The following USP25 variants were observed in gnomAD, a reference collection of about 807,000 sequenced individuals.
USP25 encodes ubiquitin carboxyl-terminal hydrolase 25.
Under a neutral mutation model 158.5 loss-of-function variants are expected in USP25, and 85 were observed. The observed-to-expected ratio is 0.54, with a 90% CI of 0.45 to 0.64. USP25 has a LOEUF of 0.64. USP25 is among the 30% of genes least tolerant of loss of function. USP25 has a pLI of 0.00. For missense variants in USP25, 1,242 were observed against 1,327.3 expected (o/e 0.94, Z 1.00); for synonymous variants, 464 against 460.4 (o/e 1.01, Z -0.10).
rs921865066 is a variant in USP25 at position 15,730,058 on chromosome 21, C to G, written c.-336C>G. On this transcript the variant is annotated 5_prime_UTR_variant, in exon 1 of 26. Coordinates refer to ENST00000400183, the MANE Select transcript of USP25 (RefSeq NM_001283041.3). The stretch of plus-strand genomic sequence containing the variant: ...CGCGGACCGGCAGCAAAGGAACGTG[C>G]GAACGCGTGACGCCGCCCGACTGGC... 6.6e-6 allele frequency: 1 copy of G among 151,720 alleles called. No homozygotes were observed. The highest frequency in any genetic ancestry group is 1.5e-5 in the Non-Finnish European group (1 of 68,028). The allele number at this position is 151,720 out of a possible 1,614,324, so 9.4% of individuals were successfully genotyped here.
chr21:15,831,645 G>A lies in USP25; in HGVS notation c.1993+16G>A. On this transcript the variant is annotated intron_variant, in intron 16 of 25. Transcript: ENST00000400183. ...CTAATACAAGGTAAGAATATATAGGGTGGTGTGTATTTTTAAATAGTCATA... is the reference window on the plus strand; with the variant it reads ...CTAATACAAGGTAAGAATATATAGGATGGTGTGTATTTTTAAATAGTCATA... 6 of 1,601,008 alleles carry A rather than the reference G, an allele frequency of 3.7e-6. No homozygotes were observed. The highest frequency in any genetic ancestry group is 5.1e-6 in the Non-Finnish European group (6 of 1,169,150).
In USP25 at chr21:15,766,178, A is replaced by G. The variant is rs776795274; in HGVS notation, c.268+37A>G. On this transcript the variant is annotated intron_variant, in intron 3 of 25. Transcript: ENST00000400183. This position sits in a 1 kb window ranked among gnomAD's most constrained non-coding sequence, Gnocchi z 4.0. ...TTCTTTTCTTATTATTTTAATAGAA[A>G]CATACTGAAAAACTTTTCTTGGTGT... The G allele has an allele frequency of 7.7e-6, 12 of 1,552,954 alleles. No homozygotes were observed. In the African/African-American group the frequency reaches 9.7e-5, roughly 13 times the overall value.
intron 1 of USP25, among the ~76,000 whole-genome samples, chr21:15,748,083 G>A (rs992102705): frequency 3.3e-5 from 5 of 152,152 alleles, no homozygotes; most frequent in African/African-American, 1.2e-4. Context: ...CAGGGTTTAA[G>A]TTTCATTCCA....
chr21:15,846,345 T>C (rs2038616473), intron 18 of USP25, among the ~76,000 whole-genome samples: 1 of 150,802 alleles, frequency 6.6e-6, no homozygotes, highest in Non-Finnish European at 1.5e-5. Context: ...GTATATTTAG[T>C]AGGGACGGAT....
At chr21:15,786,791 T>G (rs938164733) in intron 4 of USP25, among the ~76,000 whole-genome samples, 4 of 151,946 alleles carry the variant, frequency 2.6e-5, no homozygotes, top group Non-Finnish European at 5.9e-5. Flanking sequence ...GGGAAAGAAA[T>G]AAAAGACATC....
chr21:15,803,571 T>C (rs974146683), intron 6 of USP25, among the ~76,000 whole-genome samples: 1 of 151,782 alleles, frequency 6.6e-6, no homozygotes, highest in African/African-American at 2.4e-5. Context: ...ATGGTAAAAA[T>C]CTTCTAGAAA....
rs368527370 is a variant in USP25, at chr21:15,846,434, T to A, written c.2338-1229T>A. 3.3e-5 allele frequency among the ~76,000 whole-genome samples: 5 copies of A among 151,788 alleles called. No homozygotes were observed. In the South Asian group the frequency reaches 6.2e-4, roughly 19 times the overall value. On this transcript the variant is annotated intron_variant, in intron 18 of 25. Coordinates refer to ENST00000400183, the MANE Select transcript of USP25 (RefSeq NM_001283041.3). ...ATCTTGACCTCCCAAACTGCTGGGA[T>A]TATAGGTCTAAGCTACCACGCCATG...
At chr21:15,743,422 A>C (rs1038200365) in intron 1 of USP25, among the ~76,000 whole-genome samples, 5 of 152,154 alleles carry the variant, frequency 3.3e-5, no homozygotes, top group African/African-American at 9.7e-5. Flanking sequence ...TGAGCAACAG[A>C]AAAGCTCTTG....
At position 15,730,366 on chromosome 21, in the gene USP25, C is replaced by T. The variant is rs1461455624; in HGVS notation, c.-28C>T. ...GGCGCGAGGAGCCGGGCGCCACCGCCGCCGCCGCCGCCGCCGCCGCGGGGG... is the reference window on the plus strand; with the variant it reads ...GGCGCGAGGAGCCGGGCGCCACCGCTGCCGCCGCCGCCGCCGCCGCGGGGG... On this transcript the variant is annotated 5_prime_UTR_variant, in exon 1 of 26. Transcript: ENST00000400183. 5.3e-6 allele frequency: 6 copies of T among 1,132,368 alleles called. No homozygotes were observed. The highest frequency in any genetic ancestry group is 4.4e-6 in the Non-Finnish European group (4 of 912,836). The allele number at this position is 1,132,368 out of a possible 1,614,324, so 70.1% of individuals were successfully genotyped here.
chr21:15,754,023 A>AACCCTCTTGCTGATACAGAT lies in USP25; in HGVS notation c.46-8865_46-8846dup, dbSNP rs1214284176. Among the ~76,000 whole-genome samples, 4 of 152,328 alleles carry AACCCTCTTGCTGATACAGAT rather than the reference A, an allele frequency of 2.6e-5. No individual in the cohort carries two copies. In the East Asian group the frequency reaches 7.7e-4, roughly 29 times the overall value. On this transcript the variant is annotated intron_variant, in intron 1 of 25. Coordinates refer to ENST00000400183, the MANE Select transcript of USP25 (RefSeq NM_001283041.3). ...TCACTCAAGTAATAAAAGTTGTTGCAACCCTCTTGCTGATACAGATACTTT... is the reference window on the plus strand; with the variant it reads ...TCACTCAAGTAATAAAAGTTGTTGCAACCCTCTTGCTGATACAGATACCCTCTTGCTGATACAGATACTTT...
At chr21:15,786,587 A>C (rs2035289021) in intron 4 of USP25, among the ~76,000 whole-genome samples, 1 of 152,128 alleles carries the variant, frequency 6.6e-6, no homozygotes, top group Admixed American at 6.6e-5. Context: ...TTCATGATAA[A>C]AACTCTCAAA....
At position 15,849,884 on chromosome 21, in the gene USP25, A is replaced by G; in HGVS notation, c.2547+12A>G. The G allele has an allele frequency of 2.1e-6, 3 of 1,455,030 alleles. No individual in the cohort carries two copies. Among genetic ancestry groups the G allele is most frequent in the Non-Finnish European group, 2.7e-6 (3 of 1,094,976 alleles). 90.1% of individuals were successfully genotyped at this position (1,455,030 alleles called of 1,614,324 possible). ...CAGGGTTCTTTAAGGTACAATGAAC[A>G]TTTTCATTTTCGTGTCTTTTCTTTT... On this transcript the variant is annotated intron_variant, in intron 20 of 25. Coordinates refer to ENST00000400183, the MANE Select transcript of USP25 (RefSeq NM_001283041.3).
intron 1 of USP25, among the ~76,000 whole-genome samples, chr21:15,737,931 A>G (rs2031680166): frequency 6.6e-6 from 1 of 152,094 alleles, no homozygotes; most frequent in South Asian, 2.1e-4. Flanking sequence ...GAAATAAGCC[A>G]GTGAGCATTT....
In USP25 at chr21:15,805,151, C is replaced by A; in HGVS notation, c.673C>A (p.Leu225Met). ...TCGGAATTTGCCTTTTATGCGTGAG[C>A]TGAGGTATCTATTTGCACTTCTTGT... is the stretch of plus-strand genomic sequence containing the variant. ...EHRNLPFMRELRYLFALLVGT... is the reference protein window; with the variant it reads ...EHRNLPFMREMRYLFALLVGT... The change falls in exon 7 of 26, where the codon CTG becomes ATG. Residue 225 changes from leucine to methionine, a missense_variant. By Grantham distance (15) the Leu-to-Met change is conservative. Coordinates refer to ENST00000400183, the MANE Select transcript of USP25 (RefSeq NM_001283041.3). 1 of 1,602,600 alleles carries A rather than the reference C, an allele frequency of 6.2e-7. No homozygotes were observed. Among genetic ancestry groups the A allele is most frequent in the Non-Finnish European group, 8.5e-7 (1 of 1,175,450 alleles).
At chr21:15,773,572 TTGAA>T (rs2034477971) in intron 3 of USP25, among the ~76,000 whole-genome samples, 1 of 152,182 alleles carries the variant, frequency 6.6e-6, no homozygotes, top group Non-Finnish European at 1.5e-5. Flanking sequence ...TCAAAAAATT[TTGAA>T]TGACATTGTA....
At chr21:15,753,460 G>A (rs947759747) in intron 1 of USP25, among the ~76,000 whole-genome samples, 1 of 152,038 alleles carries the variant, frequency 6.6e-6, no homozygotes, top group Admixed American at 6.6e-5. Flanking sequence ...CACATTCATG[G>A]GACTGTCATA....
At chr21:15,771,479 G>C (rs149128279) in intron 3 of USP25, among the ~76,000 whole-genome samples, 1 of 152,096 alleles carries the variant, frequency 6.6e-6, no homozygotes, top group Non-Finnish European at 1.5e-5. Context: ...AAGGTTGTGC[G>C]TCCCAGACCA....
At chr21:15,777,813 T>G (rs1006128655) in intron 3 of USP25, 91 bp from the exon 4 acceptor site, 1 of 1,267,400 alleles carries the variant, frequency 7.9e-7, no homozygotes, top group Non-Finnish European at 1.1e-6. Context: ...CTGACTGGTT[T>G]AAAGAGTATA....
intron 4 of USP25, among the ~76,000 whole-genome samples, chr21:15,784,079 G>A (rs2035135120): frequency 6.6e-6 from 1 of 152,042 alleles, no homozygotes; most frequent in Non-Finnish European, 1.5e-5. Flanking sequence ...GGAAATAATA[G>A]GAAATGAAAG....
Sources: gnomAD v4.1 joint callset for allele counts (sites outside exome capture counted in the v4.1 genomes callset) on GRCh38, gnomAD v4.1.1 for gene constraint, Gnocchi (gnomAD v3.1) non-coding constraint, MANE v1.5 for transcripts, NCBI Gene and HGNC (gene_info 2026-07-23, HGNC 2026-07-21) for gene names.